Variants in CLPTM1 observed in about 807,000 individuals in gnomAD.
The protein encoded by CLPTM1 is CLPTM1 regulator of GABA type A receptor forward trafficking.
A neutral mutation model predicts 77.3 loss-of-function variants in CLPTM1; 21 were observed. The observed-to-expected ratio is 0.27, with a 90% CI of 0.19 to 0.39. The LOEUF is 0.39. Among genes scored for constraint, CLPTM1 ranks in the 10% least tolerant of loss-of-function variants. The pLI is 1.00. For synonymous variants in CLPTM1, 373 were observed against 381.0 expected (o/e 0.98, Z 0.24); for missense variants, 642 against 921.2 (o/e 0.70, Z 3.92).
At position 44,980,939 on chromosome 19, in the gene CLPTM1, G is replaced by A. The variant is rs1339451124; in HGVS notation, c.586+3479G>A. On this transcript the variant is annotated intron_variant, in intron 5 of 13. Coordinates refer to ENST00000337392, the MANE Select transcript of CLPTM1 (RefSeq NM_001294.4). ...TGCAAGCTCTGCCTCCCGGGTTCAC[G>A]CCATTCTCCTGCCTCAGCCTCCTGA... is the stretch of plus-strand genomic sequence containing the variant. Among the ~76,000 whole-genome samples, 2 of 151,740 alleles carry A rather than the reference G, an allele frequency of 1.3e-5. 1 individual carries two copies. The highest frequency in any genetic ancestry group is 4.8e-5 in the African/African-American group (2 of 41,286).
At chr19:44,985,357 C>A in intron 6 of CLPTM1, 54 bp downstream of exon 6, 1 of 1,259,686 alleles carries the variant, frequency 7.9e-7, no homozygotes, top group Non-Finnish European at 1.2e-6. Context: ...CCATTCACAG[C>A]TCATCCCAGA....
chr19:44,987,041 C>A, intron 7 of CLPTM1, 138 bp from the exon 8 acceptor site: 1 of 1,174,908 alleles, frequency 8.5e-7, no homozygotes, highest in Non-Finnish European at 1.2e-6. Context: ...TTTAGCTCCT[C>A]ATGGTGTGGC....
chr19:44,987,521 TG>T, intron 8 of CLPTM1, 98 bp downstream of exon 8: 1 of 1,495,952 alleles, frequency 6.7e-7, no homozygotes, highest in Admixed American at 1.9e-5. Context: ...ACCTCCCGCC[TG>T]GTGCTCCTCT....
At position 44,990,318 on chromosome 19, in the gene CLPTM1, A is replaced by G; in HGVS notation, c.1133-77A>G. The G allele has an allele frequency of 6.7e-7, 1 of 1,489,300 alleles. No homozygotes were observed. Among genetic ancestry groups the G allele is most frequent in the Non-Finnish European group, 9.2e-7 (1 of 1,085,162 alleles). The allele number at this position is 1,489,300 out of a possible 1,614,324, so 92.3% of individuals were successfully genotyped here. A position where few individuals can be genotyped will look rare whatever the true frequency, so the allele number is the denominator to read the frequency against. On this transcript the variant is annotated intron_variant, in intron 9 of 13. Transcript: ENST00000337392. The surrounding 1 kb of genome is among the most constrained non-coding windows in gnomAD (Gnocchi z 4.8). ...ACCCCAGGGTGTGAGGATGCAGGCCAAGGGGGCCTGAGGGAGCTGCAGTAG... is the reference window on the plus strand; with the variant it reads ...ACCCCAGGGTGTGAGGATGCAGGCCGAGGGGGCCTGAGGGAGCTGCAGTAG...
chr19:44,984,133 G>A (rs1054607673), intron 5 of CLPTM1, among the ~76,000 whole-genome samples: 1 of 152,250 alleles, frequency 6.6e-6, no homozygotes, highest in Non-Finnish European at 1.5e-5. Flanking sequence ...GGGATTCACA[G>A]CCTCAAAGTG....
At chr19:44,983,639 A>G (rs1346659071) in intron 5 of CLPTM1, among the ~76,000 whole-genome samples, 6 of 148,584 alleles carry the variant, frequency 4.0e-5, no homozygotes, top group Non-Finnish European at 6.0e-5. Context: ...AAAAAAAAAA[A>G]AAAAAAGAAA....
intron 2 of CLPTM1, among the ~76,000 whole-genome samples, chr19:44,966,419 A>AAAAT (rs113073220): frequency 0.51 from 77,666 of 151,620 alleles, 20,489 homozygotes; most frequent in African/African-American, 0.61. Flanking sequence ...TCAAAAATAA[A>AAAAT]AAAGTGTAAT....
At chr19:44,966,920 C>T (rs1406968560) in intron 2 of CLPTM1, among the ~76,000 whole-genome samples, 2 of 152,062 alleles carry the variant, frequency 1.3e-5, no homozygotes, top group Non-Finnish European at 2.9e-5. Context: ...CGGCTCACTG[C>T]AAGCTCCGCC....
intron 7 of CLPTM1, 88 bp from the exon 8 acceptor site, chr19:44,987,091 C>G: frequency 6.7e-7 from 1 of 1,482,096 alleles, no homozygotes. Flanking sequence ...GTAGAGGGGC[C>G]CTGTTGGGTC....
In CLPTM1 at chr19:44,986,854, G is replaced by GTATCA. The variant is rs551589821; in HGVS notation, c.793+279_793+280insTATCA. The GTATCA allele has an allele frequency of 1.5e-3, 775 of 529,988 alleles. 2 individuals are homozygous for GTATCA. The highest frequency in any genetic ancestry group is 9.5e-3 in the African/African-American group (501 of 52,886). 32.8% of individuals were successfully genotyped at this position (529,988 alleles called of 1,614,324 possible). A position where few individuals can be genotyped will look rare whatever the true frequency, so the allele number is the denominator to read the frequency against. On this transcript the variant is annotated intron_variant, in intron 7 of 13. Coordinates refer to ENST00000337392, the MANE Select transcript of CLPTM1 (RefSeq NM_001294.4). ...TCAAAAAATGTCTTATCACTTGCCA[G>GTATCA]CTTTTGAAATTGAGGCAGTATCACT...
At position 44,986,771 on chromosome 19, in the gene CLPTM1, G is replaced by A. The variant is rs1970985164; in HGVS notation, c.793+196G>A. 5 of 643,612 alleles carry A rather than the reference G, an allele frequency of 7.8e-6. No homozygotes were observed. The East Asian group carries it at 1.4e-4, about 18-fold the overall frequency. 39.9% of individuals were successfully genotyped at this position (643,612 alleles called of 1,614,324 possible). A position where few individuals can be genotyped will look rare whatever the true frequency, so the allele number is the denominator to read the frequency against. On this transcript the variant is annotated intron_variant, in intron 7 of 13. Coordinates refer to ENST00000337392, the MANE Select transcript of CLPTM1 (RefSeq NM_001294.4). ...CACCACCCCTGGGGACCCCAGGACT[G>A]ACTTCTACACGCCAGCATCGGTCCG...
rs202029911 is a variant in CLPTM1 at position 44,992,605 on chromosome 19, C to T, written c.1724-6C>T. The T allele has an allele frequency of 2.5e-4, 402 of 1,613,460 alleles. No individual in the cohort carries two copies. The highest frequency in any genetic ancestry group is 3.0e-4 in the Non-Finnish European group (354 of 1,179,930). ...CGACCTCACACTGCCTCCCACCCCT[C>T]TCCAGATGTGGTTTTCTTCATCTAC... On this transcript the variant is annotated splice_region_variant and splice_polypyrimidine_tract_variant and intron_variant, in intron 13 of 13. Coordinates refer to ENST00000337392, the MANE Select transcript of CLPTM1 (RefSeq NM_001294.4). The surrounding 1 kb of genome is among the most constrained non-coding windows in gnomAD (Gnocchi z 7.7).
Position 44,955,523 on chromosome 19 carries a change from C to T in CLPTM1, c.72+56C>T, listed in dbSNP as rs1396162937. On this transcript the variant is annotated intron_variant, in intron 1 of 13. Transcript: ENST00000337392. ...TCTTCCCCAGCCGGGGGGCCTCCCA[C>T]GGGGCGTGTCCTACCTCTTGTCACG... The T allele has an allele frequency of 4.2e-6, 5 of 1,199,518 alleles. No individual in the cohort carries two copies. The African/African-American group carries it at 6.4e-5, about 15-fold the overall frequency. 74.3% of individuals were successfully genotyped at this position (1,199,518 alleles called of 1,614,324 possible).
chr19:44,990,387 G>A lies in CLPTM1; in HGVS notation c.1133-8G>A. 3.1e-6 allele frequency: 5 copies of A among 1,613,714 alleles called. No individual in the cohort carries two copies. Among genetic ancestry groups the A allele is most frequent in the East Asian group, 2.2e-5 (1 of 44,868 alleles). ...GCCTCCTGGTTCCCCCCTACCCCCT[G>A]CGCACAGATATCCAGTTCTGGAACA... On this transcript the variant is annotated splice_polypyrimidine_tract_variant and splice_region_variant and intron_variant, in intron 9 of 13. Transcript: ENST00000337392. This position sits in a 1 kb window ranked among gnomAD's most constrained non-coding sequence, Gnocchi z 4.8.
upstream of CLPTM1, chr19:44,954,962 G>A: frequency 3.3e-6 from 5 of 1,533,924 alleles, no homozygotes; most frequent in South Asian, 6.0e-5. Flanking sequence ...TCTGACGAAA[G>A]AGGGGCGTGG....
chr19:44,981,606 T>C (rs1364711521), intron 5 of CLPTM1, among the ~76,000 whole-genome samples: 3 of 150,156 alleles, frequency 2.0e-5, no homozygotes, highest in Non-Finnish European at 4.4e-5. Context: ...AAAAGAAATA[T>C]AAATAAAATA....
intron 5 of CLPTM1, 110 bp from the exon 6 acceptor site, chr19:44,985,108 G>A: frequency 1.4e-6 from 1 of 714,524 alleles, no homozygotes. Flanking sequence ...TGAGTGCAAG[G>A]TGGATGCCAG....
rs1236420322 is a variant in CLPTM1 at position 44,991,287 on chromosome 19, A to G, written c.1469A>G (p.Tyr490Cys). 6.2e-7 allele frequency: 1 copy of G among 1,614,042 alleles called. No individual in the cohort carries two copies. The highest frequency in any genetic ancestry group is 8.5e-7 in the Non-Finnish European group (1 of 1,179,950). The change falls in exon 12 of 14, where the codon TAT (tyrosine) becomes TGT (cysteine). Residue 490 changes from tyrosine (Y) to cysteine (C), a missense_variant. Coordinates refer to ENST00000337392, the MANE Select transcript of CLPTM1 (RefSeq NM_001294.4). The surrounding 1 kb of genome is among the most constrained non-coding windows in gnomAD (Gnocchi z 5.4). ...SWILFPLLGC[Y>C]AVYSLLYLEH... ...ATCCTCTTCCCGCTCCTGGGCTGCT[A>G]TGCCGTCTACAGTCTTCTGTACCTG...
At chr19:44,981,561 C>A (rs1488195346) in intron 5 of CLPTM1, among the ~76,000 whole-genome samples, 1 of 151,988 alleles carries the variant, frequency 6.6e-6, no homozygotes, top group Non-Finnish European at 1.5e-5. Flanking sequence ...GGCCACTGCA[C>A]TTCAGCCTGA....
Sources: gnomAD v4.1 joint callset for allele counts (sites outside exome capture counted in the v4.1 genomes callset) on GRCh38, gnomAD v4.1.1 for gene constraint, Gnocchi (gnomAD v3.1) non-coding constraint, MANE v1.5 for transcripts, NCBI Gene and HGNC (gene_info 2026-07-23, HGNC 2026-07-21) for gene names.